Variants in PRH1 observed in about 807,000 individuals in gnomAD.
PRH1 encodes proline rich protein HaeIII subfamily 1, also known as salivary acidic proline-rich phosphoprotein 1/2.
In PRH1, 7 loss-of-function variants were observed where a neutral mutation model predicts 7.9. The ratio of observed to expected loss-of-function variants is 0.89; its 90% CI spans 0.50 to 1.67. The LOEUF (loss-of-function observed/expected upper bound fraction) is 1.67, where lower values mean the gene tolerates loss of function less well. PRH1 is among the 40% of genes most tolerant of loss of function. The probability of loss-of-function intolerance (pLI) is 0.00; values close to 1 mark genes in which losing one functional copy is unlikely to be tolerated. For missense variants in PRH1, 109 were observed against 223.6 expected, an observed-to-expected ratio of 0.49 and a Z score of 3.27; for synonymous variants, 45 against 80.8, an observed-to-expected ratio of 0.56 and a Z score of 2.38.
chr12:10,936,872 C>A (rs1321938499), intron 2 of PRH1, among the ~76,000 whole-genome samples: 1 of 152,078 alleles, frequency 6.6e-6, no homozygotes, highest in East Asian at 1.9e-4. Flanking sequence ...ACAAACAAGT[C>A]AGTCCATAAC....
rs74062437 is a variant in PRH1, at chr12:11,099,275, C to T, written n.124-52087G>A. 5.9e-3 allele frequency among the ~76,000 whole-genome samples: 901 copies of T among 152,210 alleles called. 10 individuals carry two copies. Among genetic ancestry groups the T allele is most frequent in the African/African-American group, 0.02 (849 of 41,532 alleles). Reference sequence around the variant, plus strand: ...CTCTTTCCATTTACCATGAGAATATCGCCTCGCAAGTACACTGTTCCCAGA... The same window carrying T: ...CTCTTTCCATTTACCATGAGAATATTGCCTCGCAAGTACACTGTTCCCAGA... On this transcript the variant is annotated intron_variant and non_coding_transcript_variant, in intron 1 of 4. Coordinates refer to the PRH1 transcript ENST00000541977.
intron 2 of PRH1, among the ~76,000 whole-genome samples, chr12:10,890,846 T>C (rs1406887453): frequency 6.6e-6 from 1 of 151,654 alleles, no homozygotes; most frequent in Non-Finnish European, 1.5e-5. Flanking sequence ...GGCTTTTTTT[T>C]TTTCCTCTTG....
At chr12:10,914,144 T>C (rs573950392) in intron 2 of PRH1, among the ~76,000 whole-genome samples, 1 of 152,316 alleles carries the variant, frequency 6.6e-6, no homozygotes, top group Admixed American at 6.5e-5. Context: ...TCGATAGCAG[T>C]CACCTGTGGT....
intron 1 of PRH1, among the ~76,000 whole-genome samples, chr12:11,136,158 C>T (rs1823664): frequency 0.46 from 69,228 of 152,002 alleles, 16,565 homozygotes; most frequent in Non-Finnish European, 0.53. Context: ...ATTTTCTTCA[C>T]ACTTTACCAA....
intron 2 of PRH1, among the ~76,000 whole-genome samples, chr12:10,970,657 C>G (rs1227589994): frequency 6.6e-6 from 1 of 151,894 alleles, no homozygotes; most frequent in Non-Finnish European, 1.5e-5. Flanking sequence ...CTCCGCCTCC[C>G]AGGTTGAAGC....
chr12:11,067,463 G>A (rs1295916818), intron 1 of PRH1, among the ~76,000 whole-genome samples: 6 of 152,010 alleles, frequency 3.9e-5, no homozygotes, highest in Non-Finnish European at 7.4e-5. Context: ...AAGGTGTTTA[G>A]CTGTCATAAA....
Position 10,882,341 on chromosome 12 carries a change from C to T in PRH1, c.458G>A (p.Gly153Glu). ...RGRPQGPPQQ[G>E]GHQQGPPPPP... ...TGGGGGAGGACCTTGCTGATGGCCT[C>T]CCTGTTGGGGTGGTCCTTGTGGCCT... The change falls in exon 3 of 4, where the codon GGA becomes GAA. Residue 153 changes from glycine to glutamate, a missense_variant. This residue lies in a region of PRH1 where 45 missense variants were observed against 88.8 expected (regional missense o/e 0.51). Transcript: ENST00000543626. 2 of 1,607,988 alleles carry T rather than the reference C, an allele frequency of 1.2e-6. No individual in the cohort carries two copies. The highest frequency in any genetic ancestry group is 1.7e-6 in the Non-Finnish European group (2 of 1,177,496).
At chr12:10,891,116 T>C (rs1031052982) in intron 2 of PRH1, among the ~76,000 whole-genome samples, 6 of 152,150 alleles carry the variant, frequency 3.9e-5, no homozygotes, top group African/African-American at 1.4e-4. Context: ...CCCGAATCCC[T>C]AAAGCAATTG....
chr12:10,985,083 AC>A (rs1565521829), intron 1 of PRH1, among the ~76,000 whole-genome samples: 3 of 151,854 alleles, frequency 2.0e-5, no homozygotes. Flanking sequence ...AGAAAAAAAA[AC>A]CTGAAATACT....
At chr12:10,926,172 G>A (rs1251770350) in intron 2 of PRH1, among the ~76,000 whole-genome samples, 1 of 152,194 alleles carries the variant, frequency 6.6e-6, no homozygotes, top group South Asian at 2.1e-4. Flanking sequence ...TGAAGTCTCA[G>A]AGACCATTGT....
intron 1 of PRH1, among the ~76,000 whole-genome samples, chr12:11,075,895 ACG>A (rs879441730): frequency 0.09 from 7,691 of 85,110 alleles, 458 homozygotes; most frequent in Non-Finnish European, 0.13. Flanking sequence ...GTGTTCATTA[ACG>A]TATCATTTTT....
intron 1 of PRH1, among the ~76,000 whole-genome samples, chr12:11,144,041 A>G (rs1487063264): frequency 1.3e-5 from 2 of 152,074 alleles, no homozygotes; most frequent in Admixed American, 6.6e-5. Context: ...TGGTGGTTTA[A>G]TGCTCTATTT....
At chr12:10,892,953 G>C (rs1320024427) in intron 2 of PRH1, among the ~76,000 whole-genome samples, 3 of 152,166 alleles carry the variant, frequency 2.0e-5, no homozygotes, top group Non-Finnish European at 4.4e-5. Flanking sequence ...AGAAATCAGA[G>C]CCTAAGTATG....
intron 2 of PRH1, among the ~76,000 whole-genome samples, chr12:10,954,391 G>A (rs888033792): frequency 7.2e-5 from 11 of 152,190 alleles, no homozygotes; most frequent in African/African-American, 2.7e-4. Context: ...ATACCCATAA[G>A]CTCAAATTTA....
In PRH1 at chr12:11,074,064, T is replaced by C. The variant is rs11497304; in HGVS notation, n.124-26876A>G. Among the ~76,000 whole-genome samples the C allele has an allele frequency of 1.5e-3, 178 of 120,012 alleles. 4 individuals are homozygous for C. Among genetic ancestry groups the C allele is most frequent in the African/African-American group, 4.8e-3 (171 of 35,828 alleles). The allele number at this position is 120,012 out of a possible 152,430, so 78.7% of individuals were successfully genotyped here. ...GGGGACTATATTGGACACAAACATG[T>C]GCTTCCTCAGATTCCCTTGACTCTC... On this transcript the variant is annotated intron_variant and non_coding_transcript_variant, in intron 1 of 4. Coordinates refer to the PRH1 transcript ENST00000541977.
chr12:10,938,430 T>C (rs762107197), intron 2 of PRH1: 2 of 1,613,964 alleles, frequency 1.2e-6, no homozygotes. Flanking sequence ...ATAATTAGAT[T>C]TTCCTCCAAC....
intron 1 of PRH1, among the ~76,000 whole-genome samples, chr12:11,004,410 G>T (rs935443964): frequency 2.6e-5 from 4 of 152,242 alleles, no homozygotes; most frequent in African/African-American, 9.6e-5. Context: ...GGAGGCTGAG[G>T]CAGGAGAATT....
At chr12:11,158,701 T>C (rs1947326351) in intron 1 of PRH1, 1 of 144,064 alleles carries the variant, frequency 6.9e-6, no homozygotes, top group Non-Finnish European at 1.5e-5. Context: ...AAAAAGAAAT[T>C]GTTAAATATA....
chr12:10,981,849 T>C (rs1360870647), intron 1 of PRH1, among the ~76,000 whole-genome samples: 1 of 146,392 alleles, frequency 6.8e-6, no homozygotes, highest in Non-Finnish European at 1.5e-5. Context: ...AGGCACACAC[T>C]ACCACAAACA....
Sources: allele counts gnomAD v4.1 joint callset (sites outside exome capture counted in the v4.1 genomes callset), GRCh38; gene constraint gnomAD v4.1.1; regional missense constraint gnomAD v4.1.1; transcripts MANE v1.5; gene names NCBI Gene and HGNC (gene_info 2026-07-23, HGNC 2026-07-21).